PRKN: variants seen among roughly 807,000 people sequenced by gnomAD.
PRKN encodes the protein E3 ubiquitin-protein ligase parkin.
In PRKN, 56 loss-of-function variants were observed where a neutral mutation model predicts 59.5. The observed-to-expected ratio is 0.94, with a 90% CI of 0.76 to 1.18. The LOEUF (loss-of-function observed/expected upper bound fraction) is 1.18. PRKN is among the 50% of genes most tolerant of loss of function. PRKN has a pLI of 0.00. For missense variants in PRKN, 657 were observed against 596.4 expected, an observed-to-expected ratio of 1.10 and a Z score of -1.06; for synonymous variants, 250 against 222.1, an observed-to-expected ratio of 1.13 and a Z score of -1.12.
In PRKN at chr6:161,503,770, G is replaced by A. The variant is rs1024003730; in HGVS notation, c.1083+45084C>T. 2.6e-5 allele frequency among the ~76,000 whole-genome samples: 4 copies of A among 152,184 alleles called. No individual in the cohort carries two copies. Among genetic ancestry groups the A allele is most frequent in the East Asian group, 1.9e-4 (1 of 5,198 alleles). On this transcript the variant is annotated intron_variant, in intron 9 of 11. Transcript: ENST00000366898. This position sits in a 1 kb window ranked among gnomAD's most constrained non-coding sequence, Gnocchi z 5.1. The stretch of plus-strand genomic sequence containing the variant: ...TCACTCACTGCACCACAGGGTGGCC[G>A]TGACACAAAGTCAGATGTGAGCATT...
Position 162,056,247 on chromosome 6 carries a change from A to G in PRKN, c.535-2073T>C, listed in dbSNP as rs1456215925. 6.6e-6 allele frequency among the ~76,000 whole-genome samples: 1 copy of G among 150,848 alleles called. No homozygotes were observed. The highest frequency in any genetic ancestry group is 1.5e-5 in the Non-Finnish European group (1 of 67,768). ...ACCCCACACGCCTAACACACCCCAC[A>G]CACATACATCCAAACACATACATGC... On this transcript the variant is annotated intron_variant, in intron 4 of 11. Coordinates refer to ENST00000366898, the MANE Select transcript of PRKN (RefSeq NM_004562.3). This position sits in a 1 kb window ranked among gnomAD's most constrained non-coding sequence, Gnocchi z 4.9.
intron 3 of PRKN, among the ~76,000 whole-genome samples, chr6:162,223,531 T>A (rs72573881): frequency 0.17 from 25,724 of 151,720 alleles, 2,986 homozygotes; most frequent in East Asian, 0.58. Flanking sequence ...GGCTGGTATT[T>A]GACTAAATTA....
At chr6:162,593,880 C>T (rs112119583) in intron 1 of PRKN, among the ~76,000 whole-genome samples, 3,136 of 152,258 alleles carry the variant, frequency 0.021, 108 homozygotes, top group African/African-American at 0.07. Context: ...GGGCCAGGCA[C>T]GGTGGCTCAC....
intron 1 of PRKN, among the ~76,000 whole-genome samples, chr6:162,500,981 T>C (rs1204496813): frequency 6.6e-6 from 1 of 152,058 alleles, no homozygotes; most frequent in Non-Finnish European, 1.5e-5. Context: ...GCTTGGGCAA[T>C]ATAGCCAGAC....
chr6:161,732,479 T>TGTGTGTGTG (rs1261124218), intron 7 of PRKN, among the ~76,000 whole-genome samples: 4 of 126,984 alleles, frequency 3.1e-5, no homozygotes, highest in African/African-American at 2.1e-4. Context: ...CAGAGGTTTT[T>TGTGTGTGTG]TTTTTTTGTG....
chr6:162,614,990 T>A (rs1782343723), intron 1 of PRKN, among the ~76,000 whole-genome samples: 1 of 152,156 alleles, frequency 6.6e-6, no homozygotes, highest in African/African-American at 2.4e-5. Context: ...TTCTCACCAA[T>A]TAACAGGTGA....
chr6:161,557,544 C>T lies in PRKN; in HGVS notation c.934-8541G>A, dbSNP rs572918308. On this transcript the variant is annotated intron_variant, in intron 8 of 11. Transcript: ENST00000366898. ...ATGGGTAGTCACCTGAGAAGTGTGG[C>T]TATGGGGAAACCAAGCGTAAACATC... 4.6e-5 allele frequency among the ~76,000 whole-genome samples: 7 copies of T among 152,238 alleles called. 1 individual carries two copies. The South Asian group carries it at 1.5e-3, about 32-fold the overall frequency.
intron 3 of PRKN, among the ~76,000 whole-genome samples, chr6:162,235,846 G>A (rs1179204697): frequency 6.7e-6 from 1 of 149,324 alleles, no homozygotes; most frequent in Non-Finnish European, 1.5e-5. Flanking sequence ...GGGAGGAAAG[G>A]AGGGAGGAAA....
intron 11 of PRKN, among the ~76,000 whole-genome samples, chr6:161,350,652 TA>T (rs1318494994): frequency 1.0e-5 from 1 of 98,788 alleles, no homozygotes; most frequent in Admixed American, 1.5e-4. Flanking sequence ...AAAATATATA[TA>T]TTTTTATATA....
At chr6:162,106,517 C>A (rs1780201003) in intron 4 of PRKN, among the ~76,000 whole-genome samples, 1 of 151,488 alleles carries the variant, frequency 6.6e-6, no homozygotes, top group Non-Finnish European at 1.5e-5. Flanking sequence ...ATTTCAACTT[C>A]ATTAATATCT....
At chr6:162,010,781 TATATA>T (rs1782568517) in intron 5 of PRKN, among the ~76,000 whole-genome samples, 2 of 6,406 alleles carry the variant, frequency 3.1e-4, no homozygotes, top group South Asian at 4.6e-3. Context: ...TATAATATAT[TATATA>T]ATATATTATA....
intron 1 of PRKN, among the ~76,000 whole-genome samples, chr6:162,578,962 A>G (rs1373955258): frequency 6.6e-6 from 1 of 152,204 alleles, no homozygotes; most frequent in Non-Finnish European, 1.5e-5. Flanking sequence ...AAGACAGAAA[A>G]ACATACTGGC....
intron 6 of PRKN, among the ~76,000 whole-genome samples, chr6:161,818,270 C>T (rs1007200409): frequency 6.6e-6 from 1 of 151,890 alleles, no homozygotes; most frequent in Non-Finnish European, 1.5e-5. Flanking sequence ...GTCCTACTAT[C>T]CTGAGGTCAA....
chr6:161,440,124 T>C lies in PRKN; in HGVS notation c.1084-53247A>G, dbSNP rs575709770. The stretch of plus-strand genomic sequence containing the variant: ...CACCACCACGCCCGGCTAATTTTTT[T>C]TGGTATTTTTAGTAGAGACGGGGTT... On this transcript the variant is annotated intron_variant, in intron 9 of 11. Coordinates refer to ENST00000366898, the MANE Select transcript of PRKN (RefSeq NM_004562.3). This position sits in a 1 kb window ranked among gnomAD's most constrained non-coding sequence, Gnocchi z 4.1. Among the ~76,000 whole-genome samples the C allele has an allele frequency of 1.3e-5, 2 of 151,370 alleles. No homozygotes were observed. Among genetic ancestry groups the C allele is most frequent in the East Asian group, 3.9e-4 (2 of 5,130 alleles).
intron 4 of PRKN, among the ~76,000 whole-genome samples, chr6:162,131,229 A>G (rs190121654): frequency 9.1e-4 from 138 of 152,308 alleles, no homozygotes; most frequent in Middle Eastern, 6.8e-3. Flanking sequence ...AGGAGATCAC[A>G]TGATGACACC....
At chr6:162,345,815 C>T (rs1009053793) in intron 2 of PRKN, among the ~76,000 whole-genome samples, 5 of 152,064 alleles carry the variant, frequency 3.3e-5, no homozygotes, top group African/African-American at 1.2e-4. Flanking sequence ...ACTTTCCAAC[C>T]TTGAAACTTG....
chr6:162,136,221 T>G lies in PRKN; in HGVS notation c.534+64910A>C, dbSNP rs181098627. Among the ~76,000 whole-genome samples, 345 of 152,036 alleles carry G rather than the reference T, an allele frequency of 2.3e-3. 4 individuals carry two copies. The highest frequency in any genetic ancestry group is 2.1e-3 in the South Asian group (10 of 4,828). On this transcript the variant is annotated intron_variant, in intron 4 of 11. Transcript: ENST00000366898. ...TATATATTGTGTGTTCATATATACA[T>G]GCATATCTCACACAGGAACAGGAAA... is the stretch of plus-strand genomic sequence containing the variant.
intron 7 of PRKN, among the ~76,000 whole-genome samples, chr6:161,715,630 G>A (rs543584573): frequency 2.0e-5 from 3 of 152,152 alleles, no homozygotes; most frequent in South Asian, 2.1e-4. Context: ...TTAAACATGC[G>A]GTGAAAACTA....
intron 2 of PRKN, among the ~76,000 whole-genome samples, chr6:162,270,891 G>GA (rs1281229242): frequency 6.6e-5 from 10 of 151,790 alleles, no homozygotes; most frequent in Admixed American, 3.9e-4. Flanking sequence ...GCCCAGGCTG[G>GA]AGTGCAGTGG....
Sources: gnomAD v4.1 joint callset for allele counts (sites outside exome capture counted in the v4.1 genomes callset) on GRCh38, gnomAD v4.1.1 for gene constraint, Gnocchi (gnomAD v3.1) non-coding constraint, MANE v1.5 for transcripts, NCBI Gene and HGNC (gene_info 2026-07-23, HGNC 2026-07-21) for gene names.